INTS6L: variants seen among roughly 807,000 people sequenced by gnomAD.
The protein encoded by INTS6L is integrator complex subunit 6-like.
INTS6L carries 18 observed loss-of-function variants against 64.7 expected under a neutral mutation model. The observed-to-expected ratio is 0.28, with a 90% CI of 0.19 to 0.41. The LOEUF is 0.41. INTS6L is among the 10% of genes least tolerant of loss of function. The pLI, the probability that INTS6L is intolerant of heterozygous loss-of-function variation, is 1.00. For missense variants in INTS6L, 533 were observed against 661.0 expected, an observed-to-expected ratio of 0.81 and a Z score of 2.12; for synonymous variants, 227 against 235.9, an observed-to-expected ratio of 0.96 and a Z score of 0.34.
At chrX:135,528,601 T>TG (rs781835795) in intron 2 of INTS6L, among the ~76,000 whole-genome samples, 1 of 111,814 alleles carries the variant, frequency 8.9e-6, no homozygotes, top group South Asian at 3.7e-4. Flanking sequence ...ACTTGAAAGG[T>TG]GGCTAGTCTG....
chrX:135,528,395 TCC>T (rs2085798638), intron 2 of INTS6L, among the ~76,000 whole-genome samples: 1 of 111,701 alleles, frequency 9.0e-6, no homozygotes, highest in African/African-American at 3.3e-5. Context: ...TCTCTCTTCT[TCC>T]TCACAACTGG....
rs368280826 is a variant in INTS6L at position 135,577,146 on chromosome X, T to C, written c.1885-47T>C. 1.8e-5 allele frequency: 21 copies of C among 1,144,558 alleles called. No homozygotes were observed. The African/African-American group carries it at 3.8e-4, about 20-fold the overall frequency. The allele number at this position is 1,144,558 out of a possible 1,213,427, so 94.3% of individuals were successfully genotyped here. ...AAGAGTGCTTGCAGTTATATAATAG[T>C]GGAATTTTGGTCTTTAATGAAATAC... On this transcript the variant is annotated intron_variant, in intron 14 of 17. Coordinates refer to ENST00000639893, the MANE Select transcript of INTS6L (RefSeq NM_001351601.3).
rs1569514366 is a variant in INTS6L at position 135,577,385 on chromosome X, C to T, written c.2077C>T (p.Pro693Ser). 1 of 1,211,739 alleles carries T rather than the reference C, an allele frequency of 8.3e-7. No individual in the cohort carries two copies. Among genetic ancestry groups the T allele is most frequent in the Admixed American group, 2.2e-5 (1 of 46,035 alleles). ...GGGACCACCCTCAGCCTCGTGGTTCCCATCTTATCCAAACCTCATAAAACC... is the reference window on the plus strand; with the variant it reads ...GGGACCACCCTCAGCCTCGTGGTTCTCATCTTATCCAAACCTCATAAAACC... ...GKGPPSASWF[P>S]SYPNLIKPTL... Residue 693 changes from proline to serine, a missense_variant, in exon 15 of 18, where the codon CCA (proline) becomes TCA (serine). Coordinates refer to ENST00000639893, the MANE Select transcript of INTS6L (RefSeq NM_001351601.3).
At chrX:135,528,444 T>C (rs2085801341) in intron 2 of INTS6L, among the ~76,000 whole-genome samples, 1 of 111,421 alleles carries the variant, frequency 9.0e-6, no homozygotes, top group Non-Finnish European at 1.9e-5. Flanking sequence ...GGGGACACTG[T>C]AAAGGCTCCG....
chrX:135,542,849 A>G (rs1332765211), intron 2 of INTS6L, among the ~76,000 whole-genome samples: 1 of 111,807 alleles, frequency 8.9e-6, no homozygotes, highest in African/African-American at 3.3e-5. Context: ...AGTGACTCCA[A>G]AAACAAGAAT....
chrX:135,539,541 C>A (rs1328448320), intron 2 of INTS6L, among the ~76,000 whole-genome samples: 1 of 112,181 alleles, frequency 8.9e-6, no homozygotes. Flanking sequence ...CTTCTTACTC[C>A]TGTGTTTCCT....
chrX:135,562,822 T>C (rs1556522837), intron 9 of INTS6L, among the ~76,000 whole-genome samples: 1 of 112,308 alleles, frequency 8.9e-6, no homozygotes, highest in Non-Finnish European at 1.9e-5. Context: ...GTTTGCATGA[T>C]ATATCTTTTC....
intron 2 of INTS6L, among the ~76,000 whole-genome samples, chrX:135,544,208 T>C (rs1023771230): frequency 9.0e-5 from 10 of 111,728 alleles, no homozygotes; most frequent in African/African-American, 3.3e-4. Context: ...ATCCTCCTTT[T>C]CAGCTTAGGT....
rs1375649816 is a variant in INTS6L, at chrX:135,546,467, G to C, written c.427G>C (p.Glu143Gln). 8.6e-7 allele frequency: 1 copy of C among 1,158,687 alleles called. No individual in the cohort carries two copies. The highest frequency in any genetic ancestry group is 1.1e-6 in the Non-Finnish European group (1 of 871,577). The stretch of plus-strand genomic sequence containing the variant: ...AACAAGTACTGCTGGTGTTCAAGAA[G>C]AGGTGAGATTTTATTTTTTTTTTAA... The part of the protein sequence containing the change: ...KLTSTAGVQE[E>Q]LHLPLNSPLP... The change falls in exon 4 of 18, where the codon GAG becomes CAG. Residue 143 changes from glutamate (E) to glutamine (Q), a missense_variant and splice_region_variant. Transcript: ENST00000639893.
intron 2 of INTS6L, among the ~76,000 whole-genome samples, chrX:135,522,741 C>T (rs1265629441): frequency 2.7e-5 from 3 of 111,929 alleles, no homozygotes; most frequent in African/African-American, 9.8e-5. Flanking sequence ...TTTTGTAACT[C>T]GTAGCTTCGG....
chrX:135,528,425 A>G (rs782800827), intron 2 of INTS6L, among the ~76,000 whole-genome samples: 2 of 111,385 alleles, frequency 1.8e-5, no homozygotes, highest in South Asian at 7.6e-4. Flanking sequence ...CTTTGGTTCC[A>G]TGAGGGGTGG....
At chrX:135,550,430 CTTT>C (rs35317599) in intron 7 of INTS6L, among the ~76,000 whole-genome samples, 1 of 86,872 alleles carries the variant, frequency 1.2e-5, no homozygotes. Context: ...GATCAATTGG[CTTT>C]TTTTTTTTTT....
rs149454991 is a variant in INTS6L, at chrX:135,580,024, G to A, written c.2356G>A (p.Val786Ile). Residue 786 changes from valine to isoleucine, a missense_variant, in exon 16 of 18, where the codon GTA becomes ATA. Transcript: ENST00000639893. ...AGGAGCCAAAAACTGCAGTCTCTCC[G>A]TAGATGACCAAAAAGACCCAGTAGC... ...VGGAKNCSLS[V>I]DDQKDPVAST... The A allele has an allele frequency of 6.6e-6, 8 of 1,210,478 alleles. No individual in the cohort carries two copies. The highest frequency in any genetic ancestry group is 5.3e-5 in the South Asian group (3 of 56,834).
In INTS6L at chrX:135,581,668, T is replaced by C. The variant is rs782496269; in HGVS notation, c.*32T>C. The C allele has an allele frequency of 5.3e-6, 6 of 1,124,801 alleles. No individual in the cohort carries two copies. In the East Asian group the frequency reaches 1.8e-4, roughly 34 times the overall value. The allele number at this position is 1,124,801 out of a possible 1,213,427, so 92.7% of individuals were successfully genotyped here. ...GACCAGTGAGAAAAAAATGACAAGT[T>C]TTCTGTGCTGTAGGATGGAACAGGA... On this transcript the variant is annotated 3_prime_UTR_variant, in exon 18 of 18. Transcript: ENST00000639893.
At chrX:135,563,665 ATATAGC>A (rs1556523443) in intron 9 of INTS6L, among the ~76,000 whole-genome samples, 72 of 5,429 alleles carry the variant, frequency 0.013, 1 homozygote, top group South Asian at 0.028. Flanking sequence ...ATAGCTATAT[ATATAGC>A]TATATATATA....
In INTS6L at chrX:135,570,188, C is replaced by T. The variant is rs976288497; in HGVS notation, c.1288-248C>T. On this transcript the variant is annotated intron_variant, in intron 10 of 17. Transcript: ENST00000639893. The stretch of plus-strand genomic sequence containing the variant: ...TGATGATTTGGGAAATAAGATTGAA[C>T]GCAATTTACTTGTTTGAATTTGCTG... 27 of 245,378 alleles carry T rather than the reference C, an allele frequency of 1.1e-4. 1 individual carries two copies. Among genetic ancestry groups the T allele is most frequent in the Middle Eastern group, 2.6e-3 (2 of 784 alleles). The allele number at this position is 245,378 out of a possible 1,213,427, so 20.2% of individuals were successfully genotyped here.
At chrX:135,545,287 C>A in intron 2 of INTS6L, 136 bp from the exon 3 acceptor site, 1 of 782,581 alleles carries the variant, frequency 1.3e-6, no homozygotes, top group Non-Finnish European at 1.8e-6. Context: ...TCTACCTGAT[C>A]AGTGAAGATA....
At chrX:135,572,073 T>C (rs1333665944) in intron 11 of INTS6L, 4 of 112,366 alleles carry the variant, frequency 3.6e-5, no homozygotes, top group African/African-American at 1.3e-4. Flanking sequence ...AAAGGGAAGA[T>C]CATAGCTAAT....
At position 135,572,944 on chromosome X, in the gene INTS6L, T is replaced by C; in HGVS notation, c.1528T>C (p.Leu510=). Residue 510 remains leucine (L), a synonymous_variant, in exon 12 of 18, where the codon TTG becomes CTG. Coordinates refer to ENST00000639893, the MANE Select transcript of INTS6L (RefSeq NM_001351601.3). ...TCACAATAAAAATTTTAGAAAACTA[T>C]TGAAAGAAATCACAGGGGAAACTGC... is the stretch of plus-strand genomic sequence containing the variant. ...LTHNKNFRKL[L]KEITGETALR... The C allele has an allele frequency of 1.7e-6, 2 of 1,211,306 alleles. No homozygotes were observed. The highest frequency in any genetic ancestry group is 3.5e-5 in the South Asian group (2 of 56,957).
Sources: allele counts gnomAD v4.1 joint callset (sites outside exome capture counted in the v4.1 genomes callset), GRCh38; gene constraint gnomAD v4.1.1; transcripts MANE v1.5; gene names NCBI Gene and HGNC (gene_info 2026-07-23, HGNC 2026-07-21).